The following SIPA1L1 variants were observed in gnomAD, a reference collection of about 807,000 sequenced individuals.
SIPA1L1 encodes the protein signal induced proliferation associated 1 like 1, also known as signal-induced proliferation-associated 1-like protein 1.
Under a neutral mutation model 162.7 loss-of-function variants are expected in SIPA1L1, and 26 were observed. That is an observed-to-expected ratio of 0.16 (90% CI 0.12 to 0.22). The LOEUF (loss-of-function observed/expected upper bound fraction) is 0.22. Ranked by LOEUF, SIPA1L1 falls within the 10% of genes least tolerant of loss-of-function variation. SIPA1L1 has a pLI of 1.00. For synonymous variants in SIPA1L1, 829 were observed against 837.4 expected, an observed-to-expected ratio of 0.99 and a Z score of 0.17; for missense variants, 1,874 against 2,241.0, an observed-to-expected ratio of 0.84 and a Z score of 3.31.
At chr14:71,650,682 C>T (rs757489249) in intron 8 of SIPA1L1, among the ~76,000 whole-genome samples, 173 bp downstream of exon 8, 14 of 152,120 alleles carry the variant, frequency 9.2e-5, no homozygotes, top group Non-Finnish European at 1.9e-4. Context: ...AAGATCATAA[C>T]CAAAGTAGCT....
intron 2 of SIPA1L1, among the ~76,000 whole-genome samples, chr14:71,420,882 C>T (rs12897119): frequency 0.41 from 62,024 of 151,942 alleles, 13,484 homozygotes; most frequent in Admixed American, 0.5. Flanking sequence ...GTCGTGTAAG[C>T]CCTAGTCCAT....
At chr14:71,527,840 T>C (rs2053038992) in intron 3 of SIPA1L1, among the ~76,000 whole-genome samples, 1 of 152,210 alleles carries the variant, frequency 6.6e-6, no homozygotes, top group Non-Finnish European at 1.5e-5. Flanking sequence ...TGGTTTGTTA[T>C]ATAGTTATGT....
At chr14:71,630,289 TTCACAAGTAGTGA>T (rs1288413136) in intron 7 of SIPA1L1, among the ~76,000 whole-genome samples, 1 of 152,242 alleles carries the variant, frequency 6.6e-6, no homozygotes, top group Non-Finnish European at 1.5e-5. Context: ...GTCTTGTGTG[TTCACAAGTAGTGA>T]TCACCCTGTG....
At chr14:71,519,181 A>G (rs1276979205) in intron 3 of SIPA1L1, among the ~76,000 whole-genome samples, 3 of 152,140 alleles carry the variant, frequency 2.0e-5, no homozygotes, top group Non-Finnish European at 4.4e-5. Flanking sequence ...CTGTAGTCCC[A>G]GCTACTTGGG....
intron 4 of SIPA1L1, chr14:71,576,698 C>T (rs577632425): frequency 1.3e-5 from 2 of 152,318 alleles, no homozygotes; most frequent in African/African-American, 4.8e-5. Flanking sequence ...TAGGGCAAGC[C>T]TGTTTCCTTC....
chr14:71,464,507 G>T (rs188399377), intron 2 of SIPA1L1, among the ~76,000 whole-genome samples: 1 of 152,208 alleles, frequency 6.6e-6, no homozygotes, highest in African/African-American at 2.4e-5. Flanking sequence ...CCGGCCTGGT[G>T]GCACACGTCT....
chr14:71,723,530 T>A (rs182744055), intron 17 of SIPA1L1, 117 bp from the exon 18 acceptor site: 1 of 1,136,014 alleles, frequency 8.8e-7, no homozygotes, highest in East Asian at 2.4e-5. Context: ...TCGCTGTTAA[T>A]AGTTCATGAA....
chr14:71,517,138 T>C (rs2144682330), intron 3 of SIPA1L1, among the ~76,000 whole-genome samples: 1 of 152,150 alleles, frequency 6.6e-6, no homozygotes, highest in Non-Finnish European at 1.5e-5. Context: ...GTGTGTGCCA[T>C]GGACTCACTG....
chr14:71,606,574 G>A (rs933659522), intron 5 of SIPA1L1, among the ~76,000 whole-genome samples: 4 of 152,120 alleles, frequency 2.6e-5, no homozygotes, highest in African/African-American at 7.2e-5. Flanking sequence ...GCCCTGGCAC[G>A]GTTTCCAGGC....
chr14:71,602,786 C>T (rs529065616), intron 5 of SIPA1L1, among the ~76,000 whole-genome samples: 11 of 152,324 alleles, frequency 7.2e-5, no homozygotes, highest in African/African-American at 2.2e-4. Context: ...GTCAGAACAG[C>T]GTCGGCATTA....
chr14:71,716,807 A>G (rs2083303320), intron 17 of SIPA1L1, among the ~76,000 whole-genome samples: 1 of 152,232 alleles, frequency 6.6e-6, no homozygotes, highest in South Asian at 2.1e-4. Flanking sequence ...TAAAATCACC[A>G]GGTTGCTGTA....
chr14:71,507,361 G>A (rs2050760226), intron 2 of SIPA1L1, among the ~76,000 whole-genome samples: 1 of 151,930 alleles, frequency 6.6e-6, no homozygotes, highest in East Asian at 1.9e-4. Flanking sequence ...GATAATTCTG[G>A]TCAATGAAAA....
rs529753836 is a variant in SIPA1L1, at chr14:71,732,475, G to A, written c.4862-1191G>A. On this transcript the variant is annotated intron_variant, in intron 20 of 23. Coordinates refer to ENST00000381232, the MANE Select transcript of SIPA1L1 (RefSeq NM_001386936.1). ...CGTTTCCCCTGGACCCCAGCAGCCC[G>A]CCCTTCCTGTTATCTGCCTGCATGA... 4.6e-5 allele frequency among the ~76,000 whole-genome samples: 7 copies of A among 152,150 alleles called. No individual in the cohort carries two copies. In the East Asian group the frequency reaches 7.7e-4, roughly 17 times the overall value.
intron 20 of SIPA1L1, among the ~76,000 whole-genome samples, chr14:71,731,796 CCCTCTCTGAG>C (rs1309274067): frequency 6.6e-6 from 1 of 152,176 alleles, no homozygotes; most frequent in Non-Finnish European, 1.5e-5. Context: ...GGACAGGCAG[CCCTCTCTGAG>C]CCCCTTCCCT....
In SIPA1L1 at chr14:71,477,778, A is replaced by G. The variant is rs1014857364; in HGVS notation, c.-464-34965A>G. On this transcript the variant is annotated intron_variant, in intron 2 of 23. Coordinates refer to ENST00000381232, the MANE Select transcript of SIPA1L1 (RefSeq NM_001386936.1). ...CATTGAAGGACATTTGGTTTGTTCT[A>G]CTTTGGAGGTATTAAAAAAAAAAAA... 2.0e-5 allele frequency among the ~76,000 whole-genome samples: 3 copies of G among 150,608 alleles called. No individual in the cohort carries two copies. The East Asian group carries it at 5.8e-4, about 29-fold the overall frequency.
intron 5 of SIPA1L1, among the ~76,000 whole-genome samples, chr14:71,606,135 T>C (rs2037467251): frequency 6.6e-6 from 1 of 152,110 alleles, no homozygotes; most frequent in Non-Finnish European, 1.5e-5. Context: ...CAGTGGCTGC[T>C]CTGTGGCTGT....
chr14:71,520,969 G>A (rs571495031), intron 3 of SIPA1L1, among the ~76,000 whole-genome samples: 2 of 152,200 alleles, frequency 1.3e-5, no homozygotes, highest in African/African-American at 4.8e-5. Context: ...GGCCAGTCTG[G>A]TCTCGAACTC....
At chr14:71,471,157 T>C (rs1436568400) in intron 2 of SIPA1L1, among the ~76,000 whole-genome samples, 2 of 152,186 alleles carry the variant, frequency 1.3e-5, no homozygotes, top group African/African-American at 4.8e-5. Flanking sequence ...GAGGTTTTTT[T>C]AGGAGTGTTT....
At chr14:71,334,544 G>C (rs922232656) in intron 2 of SIPA1L1, among the ~76,000 whole-genome samples, 7 of 152,316 alleles carry the variant, frequency 4.6e-5, no homozygotes, top group African/African-American at 1.7e-4. Flanking sequence ...AACCATACTT[G>C]AGAGTGTGGT....
Sources: gnomAD v4.1 joint callset for allele counts (sites outside exome capture counted in the v4.1 genomes callset) on GRCh38, gnomAD v4.1.1 for gene constraint, MANE v1.5 for transcripts, NCBI Gene and HGNC (gene_info 2026-07-23, HGNC 2026-07-21) for gene names.